The following UMAD1 variants were observed in gnomAD, a reference collection of about 807,000 sequenced individuals.
The protein encoded by UMAD1 is UBAP1-MVB12-associated (UMA)-domain containing protein 1.
In UMAD1, 8 loss-of-function variants were observed where a neutral mutation model predicts 6.1. The ratio of observed to expected loss-of-function variants is 1.30; its 90% CI spans 0.76 to 2.35. The LOEUF (loss-of-function observed/expected upper bound fraction) is 2.35, where lower values mean the gene tolerates loss of function less well. Ranked by LOEUF, UMAD1 falls within the 30% of genes most tolerant of loss-of-function variation. The pLI is 0.00. For missense variants in UMAD1, 130 were observed against 78.4 expected (o/e 1.66, Z -2.49); for synonymous variants, 56 against 31.4 (o/e 1.78, Z -2.61).
At chr7:7,783,183 C>T (rs1484286342) in intron 2 of UMAD1, among the ~76,000 whole-genome samples, 2 of 152,206 alleles carry the variant, frequency 1.3e-5, no homozygotes, top group Non-Finnish European at 2.9e-5. Flanking sequence ...AGGCTGGTTG[C>T]ACCCATCTTG....
chr7:7,836,782 G>T (rs1165342847), intron 3 of UMAD1, among the ~76,000 whole-genome samples: 1 of 151,820 alleles, frequency 6.6e-6, no homozygotes, highest in Non-Finnish European at 1.5e-5. Context: ...CTAGAAAACA[G>T]ATCTGAAGGA....
At chr7:7,860,770 A>G (rs1784100939) in intron 3 of UMAD1, among the ~76,000 whole-genome samples, 2 of 92,520 alleles carry the variant, frequency 2.2e-5, no homozygotes, top group Admixed American at 2.2e-4. Flanking sequence ...GCGAGACTCC[A>G]TCTCAAAAAA....
In UMAD1 at chr7:7,673,446, C is replaced by T. The variant is rs774762669; in HGVS notation, c.75C>T (p.Val25=). The T allele has an allele frequency of 1.2e-5, 10 of 859,264 alleles. No individual in the cohort carries two copies. In the South Asian group the frequency reaches 1.4e-4, roughly 12 times the overall value. The allele number at this position is 859,264 out of a possible 1,614,324, so 53.2% of individuals were successfully genotyped here. Residue 25 remains valine, a synonymous_variant, in exon 2 of 4, where the codon GTC becomes GTT. Transcript: ENST00000682710. ...CAGAGACAGAAGCAGATGGATTCGT[C>T]CTTTTAGGTGAGTCTTTTTAAGAAA... ...SVPETEADGF[V]LLGDTTDEQR... is the part of the protein sequence containing the mutation.
chr7:7,660,687 C>T (rs1375727845), intron 1 of UMAD1, among the ~76,000 whole-genome samples: 6 of 152,226 alleles, frequency 3.9e-5, no homozygotes, highest in Non-Finnish European at 8.8e-5. Context: ...GTCTGATGGA[C>T]TTCCCTTTGT....
intron 3 of UMAD1, among the ~76,000 whole-genome samples, chr7:7,860,091 T>C (rs1351124448): frequency 6.6e-6 from 1 of 152,238 alleles, no homozygotes; most frequent in East Asian, 1.9e-4. Context: ...TGTACCCTTA[T>C]AATAACCACA....
chr7:7,839,880 T>C lies in UMAD1; in HGVS notation c.157-37401T>C, dbSNP rs74752668. 4.3e-4 allele frequency among the ~76,000 whole-genome samples: 65 copies of C among 152,340 alleles called. No individual in the cohort carries two copies. In the East Asian group the frequency reaches 0.012, roughly 28 times the overall value. On this transcript the variant is annotated intron_variant, in intron 3 of 3. Coordinates refer to ENST00000682710, the MANE Select transcript of UMAD1 (RefSeq NM_001302348.2). Reference sequence around the variant, plus strand: ...AAAATGAAACTAGTCATCATGATTCTGTGCTTTCCTCCAACTCATATCCAG... The same window carrying C: ...AAAATGAAACTAGTCATCATGATTCCGTGCTTTCCTCCAACTCATATCCAG...
chr7:7,872,031 G>A (rs1784341587), intron 3 of UMAD1, among the ~76,000 whole-genome samples: 1 of 151,708 alleles, frequency 6.6e-6, no homozygotes, highest in Non-Finnish European at 1.5e-5. Flanking sequence ...ACCTCCGAAA[G>A]AGGAGGGGGC....
intron 3 of UMAD1, among the ~76,000 whole-genome samples, chr7:7,835,367 T>G (rs1206778451): frequency 6.6e-6 from 1 of 151,212 alleles, no homozygotes; most frequent in Non-Finnish European, 1.5e-5. Flanking sequence ...ATATGACATT[T>G]TCATTGTAAC....
intron 3 of UMAD1, among the ~76,000 whole-genome samples, chr7:7,826,322 C>G (rs1173157766): frequency 6.6e-6 from 1 of 152,050 alleles, no homozygotes; most frequent in African/African-American, 2.4e-5. Context: ...GCATCACCAC[C>G]TTTAATTTTT....
chr7:7,780,116 C>A (rs1329650756), intron 2 of UMAD1, among the ~76,000 whole-genome samples: 2 of 152,230 alleles, frequency 1.3e-5, no homozygotes, highest in African/African-American at 2.4e-5. Flanking sequence ...GTACATTTCC[C>A]TCTCTGTTGA....
rs189731431 is a variant in UMAD1 at position 7,824,301 on chromosome 7, G to T, written c.156+22558G>T. Among the ~76,000 whole-genome samples, 191 of 152,216 alleles carry T rather than the reference G, an allele frequency of 1.3e-3. 1 individual carries two copies. The Middle Eastern group carries it at 0.017, about 14-fold the overall frequency. ...TCCAAGTTGATTAGCATGGCATCCA[G>T]CACCCTCCCTGATCTGTGTTCTAAT... is the stretch of plus-strand genomic sequence containing the variant. On this transcript the variant is annotated intron_variant, in intron 3 of 3. Coordinates refer to ENST00000682710, the MANE Select transcript of UMAD1 (RefSeq NM_001302348.2).
At chr7:7,677,551 C>T (rs1001820931) in intron 2 of UMAD1, among the ~76,000 whole-genome samples, 1 of 151,792 alleles carries the variant, frequency 6.6e-6, no homozygotes, top group African/African-American at 2.4e-5. Flanking sequence ...ATGATCTCCT[C>T]TAGTACCATC....
At chr7:7,646,037 G>T (rs977348790) in intron 1 of UMAD1, among the ~76,000 whole-genome samples, 1 of 152,156 alleles carries the variant, frequency 6.6e-6, no homozygotes, top group African/African-American at 2.4e-5. Context: ...GCAGGAGTTG[G>T]GGTGAGTGAT....
chr7:7,868,052 A>G (rs1417791223), intron 3 of UMAD1, among the ~76,000 whole-genome samples: 1 of 152,112 alleles, frequency 6.6e-6, no homozygotes, highest in Non-Finnish European at 1.5e-5. Context: ...AGCTGGTGAT[A>G]TAGGGCTAGA....
intron 1 of UMAD1, among the ~76,000 whole-genome samples, chr7:7,666,662 T>C (rs903878840): frequency 6.6e-6 from 1 of 152,166 alleles, no homozygotes; most frequent in Non-Finnish European, 1.5e-5. Flanking sequence ...TGGCTGTTCA[T>C]ATTTTTTGCC....
At chr7:7,682,429 T>G (rs13239455) in intron 2 of UMAD1, among the ~76,000 whole-genome samples, 23,698 of 152,176 alleles carry the variant, frequency 0.16, 2,375 homozygotes, top group Middle Eastern at 0.24. Flanking sequence ...TCATTTAAAC[T>G]ATCATATTTT....
intron 2 of UMAD1, among the ~76,000 whole-genome samples, chr7:7,746,652 C>T (rs1420562661): frequency 6.6e-6 from 1 of 152,180 alleles, no homozygotes; most frequent in African/African-American, 2.4e-5. Context: ...CTTTGACTTC[C>T]CTAGAGGAAG....
chr7:7,714,853 C>CTT (rs1029148023), intron 2 of UMAD1, among the ~76,000 whole-genome samples: 14 of 111,170 alleles, frequency 1.3e-4, no homozygotes, highest in Non-Finnish European at 2.1e-4. Flanking sequence ...AAAAATTTTT[C>CTT]TTTTTTTTTT....
chr7:7,680,380 T>G (rs983301391), intron 2 of UMAD1, among the ~76,000 whole-genome samples: 1 of 152,160 alleles, frequency 6.6e-6, no homozygotes, highest in Non-Finnish European at 1.5e-5. Flanking sequence ...GGTTCTGTAT[T>G]TGGTTCCATT....
Sources: allele counts gnomAD v4.1 joint callset (sites outside exome capture counted in the v4.1 genomes callset), GRCh38; gene constraint gnomAD v4.1.1; transcripts MANE v1.5; gene names NCBI Gene and HGNC (gene_info 2026-07-23, HGNC 2026-07-21).